The following WASHC2C variants were observed in gnomAD, a reference collection of about 807,000 sequenced individuals.
WASHC2C encodes the protein Vaccinia Penetration Factor.
In WASHC2C, 73 loss-of-function variants were observed where a neutral mutation model predicts 142.2. The ratio of observed to expected loss-of-function variants is 0.51; its 90% CI spans 0.43 to 0.62. WASHC2C has a LOEUF of 0.62. WASHC2C is among the 20% of genes least tolerant of loss of function. The pLI, the probability that WASHC2C is intolerant of heterozygous loss-of-function variation, is 0.00. For missense variants in WASHC2C, 969 were observed against 1,531.7 expected, an observed-to-expected ratio of 0.63 and a Z score of 6.13; for synonymous variants, 337 against 565.5, an observed-to-expected ratio of 0.60 and a Z score of 5.73.
chr10:45,785,182 AC>A (rs1214853279), intron 25 of WASHC2C, among the ~76,000 whole-genome samples: 5 of 152,202 alleles, frequency 3.3e-5, no homozygotes, highest in African/African-American at 7.2e-5. Flanking sequence ...TGATTGAAAG[AC>A]CATTGCATAC....
intron 27 of WASHC2C, 151 bp downstream of exon 27, chr10:45,786,825 C>T (rs1466979367): frequency 9.2e-6 from 14 of 1,517,256 alleles, no homozygotes; most frequent in South Asian, 7.0e-5. Context: ...CTGTGTGCTG[C>T]GTCTTTAACA....
intron 3 of WASHC2C, among the ~76,000 whole-genome samples, chr10:45,735,264 T>C (rs1306357520): frequency 2.0e-5 from 3 of 151,294 alleles, no homozygotes; most frequent in Admixed American, 2.0e-4. Flanking sequence ...AGTTTCAGTC[T>C]TGTTGCTCAG....
rs782063805 is a variant in WASHC2C at position 45,737,994 on chromosome 10, T to G, written c.303T>G (p.Asp101Glu). Reference protein sequence around the residue: ...NTQFIENRVYDEEVEEPVLKA... With the variant: ...NTQFIENRVYEEEVEEPVLKA... Reference sequence around the variant, plus strand: ...GCTTCCATATTTAGCGTGTATATGATGAAGAAGTGGAGGAGCCAGTACTCA... The same window carrying G: ...GCTTCCATATTTAGCGTGTATATGAGGAAGAAGTGGAGGAGCCAGTACTCA... Residue 101 changes from aspartate to glutamate, a missense_variant, in exon 4 of 31, where the codon GAT becomes GAG. Coordinates refer to ENST00000623400, the MANE Select transcript of WASHC2C (RefSeq NM_001330074.2). 2 of 1,611,774 alleles carry G rather than the reference T, an allele frequency of 1.2e-6. No individual in the cohort carries two copies. Among genetic ancestry groups the G allele is most frequent in the South Asian group, 2.2e-5 (2 of 90,974 alleles).
intron 17 of WASHC2C, among the ~76,000 whole-genome samples, chr10:45,760,844 C>G (rs1442017547): frequency 2.7e-5 from 4 of 149,710 alleles, no homozygotes; most frequent in African/African-American, 9.9e-5. Context: ...ATTGTCTCTA[C>G]TTCCCACTAA....
Position 45,780,476 on chromosome 10 carries a change from A to G in WASHC2C, c.2478+1341A>G, listed in dbSNP as rs550498072. ...AACAATGTCCACTCTTGGTAATTCT[A>G]ATCAACCTTGTACTGGGGATTCTAA... On this transcript the variant is annotated intron_variant, in intron 23 of 30. Transcript: ENST00000623400. Among the ~76,000 whole-genome samples the G allele has an allele frequency of 7.1e-4, 108 of 152,186 alleles. 1 individual carries two copies. Among genetic ancestry groups the G allele is most frequent in the African/African-American group, 2.6e-3 (108 of 41,518 alleles).
chr10:45,743,468 G>A lies in WASHC2C; in HGVS notation c.607G>A (p.Glu203Lys), dbSNP rs782326365. The A allele has an allele frequency of 1.9e-6, 3 of 1,611,926 alleles. No individual in the cohort carries two copies. Among genetic ancestry groups the A allele is most frequent in the Non-Finnish European group, 2.5e-6 (3 of 1,179,846 alleles). ...GGAACAAGAAGATGTAGGTCTTGGA[G>A]AGCTGTCCAGTGAAGGTACTTTTCT... Reference protein sequence around the residue: ...FMEQEDVGLGELSSEEGSVGS... With the variant: ...FMEQEDVGLGKLSSEEGSVGS... Residue 203 changes from glutamate (E) to lysine (K), a missense_variant, in exon 6 of 31, where the codon GAG becomes AAG. Coordinates refer to ENST00000623400, the MANE Select transcript of WASHC2C (RefSeq NM_001330074.2).
intron 8 of WASHC2C, among the ~76,000 whole-genome samples, chr10:45,748,722 A>G (rs1415920733): frequency 6.6e-6 from 1 of 152,166 alleles, no homozygotes; most frequent in East Asian, 1.9e-4. Flanking sequence ...TTTTAGTAAC[A>G]TGCCTGGCAC....
chr10:45,766,556 T>A (rs1319851298), intron 19 of WASHC2C, among the ~76,000 whole-genome samples: 1 of 145,834 alleles, frequency 6.9e-6, no homozygotes, highest in African/African-American at 2.6e-5. Context: ...GCATGTCCCG[T>A]ATACCCCAAT....
At chr10:45,750,911 G>A (rs1315287042) in intron 10 of WASHC2C, 73 bp downstream of exon 10, 37 of 1,390,718 alleles carry the variant, frequency 2.7e-5, no homozygotes, top group Middle Eastern at 5.0e-4. Context: ...CACCAAAGGC[G>A]GATTTCTCTT....
At position 45,750,195 on chromosome 10, in the gene WASHC2C, A is replaced by C. The variant is rs528415694; in HGVS notation, c.832A>C (p.Asn278His). 2 of 1,611,070 alleles carry C rather than the reference A, an allele frequency of 1.2e-6. No homozygotes were observed. The highest frequency in any genetic ancestry group is 3.3e-5 in the Admixed American group (2 of 59,900). The change falls in exon 9 of 31, where the codon AAT becomes CAT. Residue 278 changes from asparagine (N) to histidine (H), a missense_variant. Asn to His is a moderately conservative substitution (Grantham distance 68). Coordinates refer to ENST00000623400, the MANE Select transcript of WASHC2C (RefSeq NM_001330074.2). ...GGAAGATATTGAGGACATTGAAGAA[A>C]ATACTAGACCTGTAAGGAAGGCTGT... ...EEEDIEDIEE[N>H]TRPKRSRPTS...
intron 29 of WASHC2C, among the ~76,000 whole-genome samples, chr10:45,789,896 C>T (rs1332174529): frequency 1.3e-4 from 20 of 152,160 alleles, no homozygotes; most frequent in African/African-American, 4.3e-4. Context: ...GTAGTGCATG[C>T]AGGCAATAAG....
intron 21 of WASHC2C, among the ~76,000 whole-genome samples, chr10:45,775,933 G>A (rs1291527920): frequency 1.3e-5 from 2 of 151,856 alleles, no homozygotes; most frequent in Non-Finnish European, 2.9e-5. Context: ...GCCCACCTTG[G>A]CCTCTCAAAG....
chr10:45,743,318 G>A (rs533807685), intron 5 of WASHC2C, 72 bp from the exon 6 acceptor site: 2 of 1,583,824 alleles, frequency 1.3e-6, no homozygotes, highest in African/African-American at 2.7e-5. Flanking sequence ...GATGGAACAG[G>A]GTATCAGGTG....
intron 19 of WASHC2C, among the ~76,000 whole-genome samples, chr10:45,767,064 C>T (rs1203356784): frequency 6.6e-6 from 1 of 151,288 alleles, no homozygotes; most frequent in Non-Finnish European, 1.5e-5. Context: ...GTTGGGAGTT[C>T]GAGACCAGCC....
intron 28 of WASHC2C, among the ~76,000 whole-genome samples, chr10:45,788,513 GGGTA>G (rs1248300117): frequency 5.3e-5 from 8 of 152,174 alleles, no homozygotes; most frequent in African/African-American, 1.9e-4. Context: ...TTTCTGTTGA[GGGTA>G]GAGTAGGGGC....
At chr10:45,730,400 CAG>C (rs1156651588) in intron 3 of WASHC2C, among the ~76,000 whole-genome samples, 6 of 147,066 alleles carry the variant, frequency 4.1e-5, no homozygotes, top group Non-Finnish European at 9.0e-5. Context: ...ATTGTTTACA[CAG>C]AATGTCCATG....
intron 18 of WASHC2C, among the ~76,000 whole-genome samples, 193 bp from the exon 19 acceptor site, chr10:45,765,486 C>G (rs1235574856): frequency 6.7e-6 from 1 of 148,752 alleles, no homozygotes; most frequent in Non-Finnish European, 1.5e-5. Context: ...CTATGGTAAT[C>G]TCTTTCCCTT....
chr10:45,772,577 C>T (rs1200503447), intron 20 of WASHC2C, among the ~76,000 whole-genome samples: 10 of 151,988 alleles, frequency 6.6e-5, no homozygotes, highest in African/African-American at 2.2e-4. Context: ...ATTAGCCAGG[C>T]ATGGTGACGT....
chr10:45,750,872 A>G (rs2596963), intron 10 of WASHC2C, 34 bp downstream of exon 10: 5 of 1,538,794 alleles, frequency 3.2e-6, no homozygotes, highest in African/African-American at 2.8e-5. Flanking sequence ...GGAGTAGGGG[A>G]GGAGTAGTGC....
Sources: gnomAD v4.1 joint callset for allele counts (sites outside exome capture counted in the v4.1 genomes callset) on GRCh38, gnomAD v4.1.1 for gene constraint, MANE v1.5 for transcripts, NCBI Gene and HGNC (gene_info 2026-07-23, HGNC 2026-07-21) for gene names.